The following SDK2 variants were observed in gnomAD, a reference collection of about 807,000 sequenced individuals.
SDK2 encodes protein sidekick-2.
In SDK2, 105 loss-of-function variants were observed where a neutral mutation model predicts 253.9. That is an observed-to-expected ratio of 0.41 (90% CI 0.35 to 0.49). The LOEUF is 0.49. Ranked by LOEUF, SDK2 falls within the 20% of genes least tolerant of loss-of-function variation. The pLI is 0.06. For missense variants in SDK2, 2,608 were observed against 3,003.0 expected (o/e 0.87, Z 3.07); for synonymous variants, 1,249 against 1,234.9 (o/e 1.01, Z -0.24).
At position 73,586,567 on chromosome 17, in the gene SDK2, G is replaced by A. The variant is rs148973676; in HGVS notation, c.64+57458C>T. ...AGTTGGTATCTCTGTGCACCCAGCC[G>A]TGAAATTTAATTTCTGATGCTTCGG... On this transcript the variant is annotated intron_variant, in intron 1 of 44. Transcript: ENST00000392650. 2.8e-3 allele frequency among the ~76,000 whole-genome samples: 417 copies of A among 150,162 alleles called. 5 individuals carry two copies. Among genetic ancestry groups the A allele is most frequent in the Non-Finnish European group, 4.1e-3 (282 of 67,982 alleles).
In SDK2 at chr17:73,431,131, G is replaced by A. The variant is rs575713340; in HGVS notation, c.1480+371C>T. Among the ~76,000 whole-genome samples, 3 of 152,336 alleles carry A rather than the reference G, an allele frequency of 2.0e-5. No individual in the cohort carries two copies. The highest frequency in any genetic ancestry group is 1.9e-4 in the East Asian group (1 of 5,188). ...TCTGTGGCTGCTTTCTAGATAAAAC[G>A]GAAGCTAGTTGAGTCGTTGTGACAG... is the stretch of plus-strand genomic sequence containing the variant. On this transcript the variant is annotated intron_variant, in intron 11 of 44. Transcript: ENST00000392650. This position sits in a 1 kb window ranked among gnomAD's most constrained non-coding sequence, Gnocchi z 5.6.
At chr17:73,528,102 A>G (rs1024959037) in intron 1 of SDK2, among the ~76,000 whole-genome samples, 1 of 152,154 alleles carries the variant, frequency 6.6e-6, no homozygotes, top group Non-Finnish European at 1.5e-5. Context: ...TGTTGTGGCC[A>G]GCTGGTTATC....
rs1015406457 is a variant in SDK2, at chr17:73,643,370, G to T, written c.64+655C>A. On this transcript the variant is annotated intron_variant, in intron 1 of 44. Coordinates refer to ENST00000392650, the MANE Select transcript of SDK2 (RefSeq NM_001144952.2). The surrounding 1 kb of genome is among the most constrained non-coding windows in gnomAD (Gnocchi z 6.9). ...TGTGGGTGGATGGGTAGGAGGGGAG[G>T]CCTCAGACCCTCCCTGTGCACCACC... Among the ~76,000 whole-genome samples the T allele has an allele frequency of 2.0e-5, 3 of 152,098 alleles. No homozygotes were observed. The highest frequency in any genetic ancestry group is 7.2e-5 in the African/African-American group (3 of 41,428).
At position 73,507,466 on chromosome 17, in the gene SDK2, C is replaced by A; in HGVS notation, c.196G>T (p.Glu66Ter). ...TATTCCAGGGAGAACTTGGTCAGCT[C>A]CCTGTTGTTGTGGAGCCACTTGAAC... ...LEFKWLHNNR[E>*]LTKFSLEYRY... is the part of the protein sequence containing the mutation. The change falls in exon 2 of 45, where the codon GAG becomes TAG. Residue 66 changes from glutamate to a stop codon, truncating the protein, a stop_gained. Coordinates refer to ENST00000392650, the MANE Select transcript of SDK2 (RefSeq NM_001144952.2). LOFTEE classifies it high-confidence loss of function. The A allele has an allele frequency of 6.4e-7, 1 of 1,551,596 alleles. No homozygotes were observed. Among genetic ancestry groups the A allele is most frequent in the Non-Finnish European group, 8.7e-7 (1 of 1,146,936 alleles).
At chr17:73,464,419 T>C (rs996387407) in intron 3 of SDK2, among the ~76,000 whole-genome samples, 36 of 152,372 alleles carry the variant, frequency 2.4e-4, no homozygotes, top group African/African-American at 8.7e-4. Context: ...GAGGCCTCTC[T>C]AGCCATGTGG....
intron 2 of SDK2, among the ~76,000 whole-genome samples, chr17:73,497,613 G>A (rs1022848399): frequency 6.6e-5 from 10 of 151,212 alleles, no homozygotes; most frequent in African/African-American, 1.9e-4. Context: ...AGAGCCTCAC[G>A]TCCCACCAGT....
intron 37 of SDK2, among the ~76,000 whole-genome samples, chr17:73,365,860 T>C (rs1037117563): frequency 6.6e-6 from 1 of 152,068 alleles, no homozygotes; most frequent in South Asian, 2.1e-4. Flanking sequence ...CAGACGGAGA[T>C]GGCCTTCCTC....
In SDK2 at chr17:73,644,191, T is replaced by G. The variant is rs565421622; in HGVS notation, c.-103A>C. ...CCCGTGGCTTAGTCCCAGGAAACAG[T>G]CAGTCTACGCGGCTCCGTGCCCCGG... On this transcript the variant is annotated 5_prime_UTR_variant, in exon 1 of 45. Coordinates refer to ENST00000392650, the MANE Select transcript of SDK2 (RefSeq NM_001144952.2). The surrounding 1 kb of genome is among the most constrained non-coding windows in gnomAD (Gnocchi z 6.3). 13 of 977,002 alleles carry G rather than the reference T, an allele frequency of 1.3e-5. No individual in the cohort carries two copies. The South Asian group carries it at 1.9e-4, about 14-fold the overall frequency. 60.5% of individuals were successfully genotyped at this position (977,002 alleles called of 1,614,324 possible). A position where few individuals can be genotyped will look rare whatever the true frequency, so the allele number is the denominator to read the frequency against.
chr17:73,398,424 G>T lies in SDK2; in HGVS notation c.3099C>A (p.Gly1033=). The T allele has an allele frequency of 6.2e-7, 1 of 1,613,362 alleles. No homozygotes were observed. Among genetic ancestry groups the T allele is most frequent in the Non-Finnish European group, 8.5e-7 (1 of 1,179,442 alleles). Residue 1033 remains glycine, a synonymous_variant, in exon 23 of 45, where the codon GGC becomes GGA. Transcript: ENST00000392650. The stretch of plus-strand genomic sequence containing the variant: ...ACCACTCCTCTCCCTCCCCAACCAC[G>T]CCTACCTGGAAAAGGGCAGGATCTT... The part of the protein sequence containing the change: ...ISRWLVEAQV[G]VVGEGEEWLL...
chr17:73,470,290 AAC>A (rs150420133), intron 3 of SDK2, among the ~76,000 whole-genome samples: 10 of 143,854 alleles, frequency 7.0e-5, no homozygotes, highest in Middle Eastern at 4.1e-3. Context: ...CATGCATGCA[AAC>A]ACACACACAC....
At chr17:73,425,113 T>A (rs540013383) in intron 12 of SDK2, among the ~76,000 whole-genome samples, 51 of 152,108 alleles carry the variant, frequency 3.4e-4, no homozygotes, top group African/African-American at 1.2e-3. Flanking sequence ...CCAGCTACTC[T>A]TGAGGCTGAG....
intron 11 of SDK2, among the ~76,000 whole-genome samples, chr17:73,430,891 C>T (rs1378963422): frequency 6.6e-6 from 1 of 152,198 alleles, no homozygotes; most frequent in Non-Finnish European, 1.5e-5. Flanking sequence ...TTCTGATTTC[C>T]AGTCTAGTGC....
At chr17:73,505,945 C>A (rs1434530377) in intron 2 of SDK2, among the ~76,000 whole-genome samples, 1 of 152,226 alleles carries the variant, frequency 6.6e-6, no homozygotes, top group Non-Finnish European at 1.5e-5. Context: ...TTCTGTGTAC[C>A]ACCCGCCCTT....
intron 1 of SDK2, among the ~76,000 whole-genome samples, chr17:73,564,781 C>T (rs1448372268): frequency 1.3e-5 from 2 of 151,666 alleles, no homozygotes; most frequent in African/African-American, 2.4e-5. Context: ...GCCGAGATCG[C>T]GCCACTGCAC....
chr17:73,599,393 G>A (rs1387651253), intron 1 of SDK2, among the ~76,000 whole-genome samples: 1 of 152,100 alleles, frequency 6.6e-6, no homozygotes, highest in Non-Finnish European at 1.5e-5. Flanking sequence ...TTAGCCTGGC[G>A]TGGTGGTGGG....
chr17:73,359,199 G>A (rs1398650067), intron 39 of SDK2, among the ~76,000 whole-genome samples: 4 of 152,106 alleles, frequency 2.6e-5, no homozygotes, highest in South Asian at 4.1e-4. Flanking sequence ...TTGGTGGGGG[G>A]TCTCTGTGGA....
At chr17:73,477,669 G>A (rs1390253081) in intron 2 of SDK2, among the ~76,000 whole-genome samples, 1 of 152,178 alleles carries the variant, frequency 6.6e-6, no homozygotes, top group East Asian at 1.9e-4. Context: ...GGAGGGTGAA[G>A]CAGAGGCCCT....
intron 17 of SDK2, among the ~76,000 whole-genome samples, chr17:73,415,609 G>A (rs887292451): frequency 1.3e-5 from 2 of 152,014 alleles, no homozygotes; most frequent in African/African-American, 4.8e-5. Flanking sequence ...AGCCTCCTGA[G>A]TAGCTGTGCC....
intron 18 of SDK2, among the ~76,000 whole-genome samples, chr17:73,414,239 G>A (rs1000551435): frequency 2.6e-5 from 4 of 151,982 alleles, no homozygotes; most frequent in Non-Finnish European, 4.4e-5. Context: ...TAGTAGAGAC[G>A]GAGTTTCACC....
Sources: allele counts gnomAD v4.1 joint callset (sites outside exome capture counted in the v4.1 genomes callset), GRCh38; gene constraint gnomAD v4.1.1; non-coding constraint Gnocchi (gnomAD v3.1); transcripts MANE v1.5; gene names NCBI Gene and HGNC (gene_info 2026-07-23, HGNC 2026-07-21).